The following CLMN variants were observed in gnomAD, a reference collection of about 807,000 sequenced individuals.
CLMN encodes calmin.
In CLMN, 57 loss-of-function variants were observed where a neutral mutation model predicts 92.7. The ratio of observed to expected loss-of-function variants is 0.61; its 90% CI spans 0.50 to 0.77. The LOEUF is 0.77. Among genes scored for constraint, CLMN ranks in the 30% least tolerant of loss-of-function variants. The pLI is 0.00. For synonymous variants in CLMN, 466 were observed against 470.6 expected (o/e 0.99, Z 0.13); for missense variants, 1,158 against 1,237.5 (o/e 0.94, Z 0.96).
chr14:95,251,730 G>A (rs1052949905), intron 1 of CLMN, among the ~76,000 whole-genome samples: 3 of 152,212 alleles, frequency 2.0e-5, no homozygotes, highest in Admixed American at 6.5e-5. Flanking sequence ...AGTGTCACAG[G>A]GAGAATTGTG....
At chr14:95,270,656 C>T (rs1899672709) in intron 1 of CLMN, among the ~76,000 whole-genome samples, 1 of 149,740 alleles carries the variant, frequency 6.7e-6, no homozygotes, top group African/African-American at 2.5e-5. Context: ...CTTTTTATTG[C>T]AGATTAATAT....
chr14:95,282,531 G>A (rs1342588503), intron 1 of CLMN, among the ~76,000 whole-genome samples: 2 of 152,208 alleles, frequency 1.3e-5, no homozygotes, highest in Non-Finnish European at 2.9e-5. Flanking sequence ...AGCTGGTTCA[G>A]GCCCAAATGA....
chr14:95,233,508 C>A (rs1897955764), intron 1 of CLMN, among the ~76,000 whole-genome samples: 1 of 152,120 alleles, frequency 6.6e-6, no homozygotes, highest in Admixed American at 6.5e-5. Context: ...GCAGTAATTA[C>A]CATATTCTGG....
intron 1 of CLMN, among the ~76,000 whole-genome samples, chr14:95,266,004 C>T (rs1899458506): frequency 6.6e-6 from 1 of 152,192 alleles, no homozygotes; most frequent in Non-Finnish European, 1.5e-5. Flanking sequence ...GAGGATGGGA[C>T]CACCCCACCT....
chr14:95,304,321 C>T (rs144956903), intron 1 of CLMN, among the ~76,000 whole-genome samples: 6 of 150,036 alleles, frequency 4.0e-5, no homozygotes, highest in East Asian at 3.9e-4. Flanking sequence ...GCAGCCTGGG[C>T]GACAGAGAGA....
Position 95,210,681 on chromosome 14 carries a change from G to A in CLMN, c.802+5C>T. The A allele has an allele frequency of 6.2e-7, 1 of 1,604,248 alleles. No homozygotes were observed. Among genetic ancestry groups the A allele is most frequent in the Non-Finnish European group, 8.5e-7 (1 of 1,176,814 alleles). ...TATTAGAAAGAAAGAGAGAACCACT[G>A]CTACCTTCTGGCTCCAGGAGCCTGG... On this transcript the variant is annotated splice_donor_5th_base_variant and intron_variant, in intron 7 of 12. Transcript: ENST00000298912.
Position 95,194,685 on chromosome 14 carries a change from G to T in CLMN, c.2709-89C>A. On this transcript the variant is annotated intron_variant, in intron 10 of 12. Coordinates refer to ENST00000298912, the MANE Select transcript of CLMN (RefSeq NM_024734.4). The surrounding 1 kb of genome is among the most constrained non-coding windows in gnomAD (Gnocchi z 4.0). ...GTCACCCCCATCCTGGGGTTTCCAC[G>T]TATGGGTTTAGGCAAGCGACAACTT... 1.6e-6 allele frequency: 2 copies of T among 1,262,710 alleles called. No individual in the cohort carries two copies. The highest frequency in any genetic ancestry group is 1.2e-5 in the South Asian group (1 of 83,394). 78.2% of individuals were successfully genotyped at this position (1,262,710 alleles called of 1,614,324 possible).
At position 95,210,783 on chromosome 14, in the gene CLMN, C is replaced by T; in HGVS notation, c.705G>A (p.Met235Ile). ...IKAIDPSLVDMKQALENSTRE... is the reference protein window; with the variant it reads ...IKAIDPSLVDIKQALENSTRE... ...GTGTGGAATTTTCCAGGGCCTGTTT[C>T]ATGTCCACCAGGCTGGGGTCAATGG... Residue 235 changes from methionine to isoleucine, a missense_variant, in exon 7 of 13, where the codon ATG becomes ATA. Physicochemically the swap from Met to Ile is conservative, Grantham distance 10. Coordinates refer to ENST00000298912, the MANE Select transcript of CLMN (RefSeq NM_024734.4). The T allele has an allele frequency of 6.2e-7, 1 of 1,602,204 alleles. No homozygotes were observed. Among genetic ancestry groups the T allele is most frequent in the Non-Finnish European group, 8.5e-7 (1 of 1,175,494 alleles).
chr14:95,298,407 C>G (rs1475749151), intron 1 of CLMN, among the ~76,000 whole-genome samples: 1 of 152,156 alleles, frequency 6.6e-6, no homozygotes, highest in African/African-American at 2.4e-5. Context: ...TTGCCTGCAC[C>G]CTGGAGACCA....
Position 95,248,428 on chromosome 14 carries a change from C to G in CLMN, c.83-18295G>C, listed in dbSNP as rs1279257058. ...CCAAGGCACAGAGACGTTAGGTTAC[C>G]CATCGAAGAAATGAGAGCGAGGTTT... On this transcript the variant is annotated intron_variant, in intron 1 of 12. Coordinates refer to ENST00000298912, the MANE Select transcript of CLMN (RefSeq NM_024734.4). Among the ~76,000 whole-genome samples the G allele has an allele frequency of 2.0e-5, 3 of 152,158 alleles. No homozygotes were observed. In the East Asian group the frequency reaches 5.8e-4, roughly 29 times the overall value.
chr14:95,191,847 G>T lies in CLMN; in HGVS notation c.2841-115C>A. ...CCACTCCCCGCCTGAAGACCCGAAG[G>T]CTCCCCAGCACCATGTCCAGGTAGG... is the stretch of plus-strand genomic sequence containing the variant. On this transcript the variant is annotated intron_variant, in intron 12 of 12. Coordinates refer to ENST00000298912, the MANE Select transcript of CLMN (RefSeq NM_024734.4). This position sits in a 1 kb window ranked among gnomAD's most constrained non-coding sequence, Gnocchi z 5.3. The T allele has an allele frequency of 3.1e-6, 3 of 980,730 alleles. No homozygotes were observed. The highest frequency in any genetic ancestry group is 5.1e-5 in the East Asian group (2 of 39,088). 60.8% of individuals were successfully genotyped at this position (980,730 alleles called of 1,614,324 possible). A position where few individuals can be genotyped will look rare whatever the true frequency, so the allele number is the denominator to read the frequency against.
chr14:95,230,178 T>C, intron 1 of CLMN, 45 bp from the exon 2 acceptor site: 1 of 1,566,234 alleles, frequency 6.4e-7, no homozygotes, highest in Non-Finnish European at 8.8e-7. Context: ...AAGAAGTATG[T>C]GCAAAATCAC....
At chr14:95,306,784 C>T (rs1163836917) in intron 1 of CLMN, among the ~76,000 whole-genome samples, 3 of 152,148 alleles carry the variant, frequency 2.0e-5, no homozygotes, top group Admixed American at 6.5e-5. Flanking sequence ...ACCCCAGTTA[C>T]GGATCTTATC....
chr14:95,251,281 G>T (rs1898775647), intron 1 of CLMN, among the ~76,000 whole-genome samples: 1 of 152,120 alleles, frequency 6.6e-6, no homozygotes, highest in African/African-American at 2.4e-5. Flanking sequence ...TCATTTTGTG[G>T]ATGGGATCCA....
chr14:95,226,914 G>A (rs555784867), intron 2 of CLMN, among the ~76,000 whole-genome samples: 2 of 152,334 alleles, frequency 1.3e-5, no homozygotes, highest in Admixed American at 6.5e-5. Flanking sequence ...ACCCCGGCAT[G>A]AATTTCCTGT....
At chr14:95,220,327 C>T (rs775685268) in intron 4 of CLMN, among the ~76,000 whole-genome samples, 3 of 152,052 alleles carry the variant, frequency 2.0e-5, no homozygotes, top group Admixed American at 6.5e-5. Context: ...TAGCTCCCCA[C>T]GACCGTGCCC....
intron 1 of CLMN, among the ~76,000 whole-genome samples, chr14:95,289,064 G>C (rs1044239211): frequency 1.3e-5 from 2 of 152,254 alleles, no homozygotes; most frequent in African/African-American, 2.4e-5. Flanking sequence ...GGGGCACAGA[G>C]AGAGCTGCTT....
At chr14:95,300,111 T>C (rs567717930) in intron 1 of CLMN, among the ~76,000 whole-genome samples, 13 of 152,230 alleles carry the variant, frequency 8.5e-5, no homozygotes, top group Admixed American at 6.5e-4. Context: ...ACTATGGAGG[T>C]GGCCCAGATG....
chr14:95,186,163 T>C lies in CLMN; in HGVS notation c.*5401A>G, dbSNP rs1896435097. 6.6e-6 allele frequency: 1 copy of C among 152,220 alleles called. No homozygotes were observed. Among genetic ancestry groups the C allele is most frequent in the South Asian group, 2.1e-4 (1 of 4,834 alleles). 9.4% of individuals were successfully genotyped at this position (152,220 alleles called of 1,614,324 possible). On this transcript the variant is annotated 3_prime_UTR_variant, in exon 13 of 13. Coordinates refer to ENST00000298912, the MANE Select transcript of CLMN (RefSeq NM_024734.4). ...TCTTTCTAATCTTCAGTTTTTCATC[T>C]CTTAAATGAGGCACTGAACGCTTAC...
Sources: allele counts gnomAD v4.1 joint callset (sites outside exome capture counted in the v4.1 genomes callset), GRCh38; gene constraint gnomAD v4.1.1; non-coding constraint Gnocchi (gnomAD v3.1); transcripts MANE v1.5; gene names NCBI Gene and HGNC (gene_info 2026-07-23, HGNC 2026-07-21).